ELMO1: variants seen among roughly 807,000 people sequenced by gnomAD.
ELMO1 encodes the protein engulfment and cell motility 1, also known as engulfment and cell motility protein 1.
Under a neutral mutation model 98.9 loss-of-function variants are expected in ELMO1, and 26 were observed. That is an observed-to-expected ratio of 0.26 (90% CI 0.19 to 0.36). ELMO1 has a LOEUF of 0.36. ELMO1 is among the 10% of genes least tolerant of loss of function. The probability of loss-of-function intolerance (pLI) is 1.00; values close to 1 mark genes in which losing one functional copy is unlikely to be tolerated. For synonymous variants in ELMO1, 346 were observed against 346.0 expected, an observed-to-expected ratio of 1.00 and a Z score of 0.00; for missense variants, 627 against 935.2, an observed-to-expected ratio of 0.67 and a Z score of 4.30.
At chr7:37,023,568 A>C (rs553200776) in intron 15 of ELMO1, among the ~76,000 whole-genome samples, 1 of 152,262 alleles carries the variant, frequency 6.6e-6, no homozygotes, top group South Asian at 2.1e-4. Context: ...CCTAAACTTT[A>C]GTTTAATTTC....
chr7:36,928,479 T>C (rs1352537538), intron 16 of ELMO1, among the ~76,000 whole-genome samples: 1 of 152,194 alleles, frequency 6.6e-6, no homozygotes, highest in African/African-American at 2.4e-5. Flanking sequence ...ATTTGAAAAG[T>C]GAAGTCTCTG....
intron 16 of ELMO1, among the ~76,000 whole-genome samples, chr7:36,940,446 A>G (rs1351396307): frequency 1.3e-5 from 2 of 152,224 alleles, no homozygotes; most frequent in Non-Finnish European, 2.9e-5. Context: ...GTATTTGTAT[A>G]TTCTTTAGCC....
intron 8 of ELMO1, 67 bp from the exon 9 acceptor site, chr7:37,225,097 C>G (rs953785569): frequency 1.3e-4 from 208 of 1,577,838 alleles, no homozygotes; most frequent in Non-Finnish European, 1.0e-5. Context: ...GAGAAGGGAA[C>G]AAATGAATCA....
At chr7:37,139,134 AG>A (rs1238117477) in intron 13 of ELMO1, among the ~76,000 whole-genome samples, 1 of 152,214 alleles carries the variant, frequency 6.6e-6, no homozygotes, top group Admixed American at 6.5e-5. Flanking sequence ...AATAGGCAAA[AG>A]GTGGAAGCAT....
chr7:37,320,758 AGAC>A lies in ELMO1; in HGVS notation c.79-4801_79-4799del, dbSNP rs567559964. Among the ~76,000 whole-genome samples the A allele has an allele frequency of 4.1e-3, 625 of 152,264 alleles. 4 individuals are homozygous for A. Among genetic ancestry groups the A allele is most frequent in the African/African-American group, 0.014 (599 of 41,542 alleles). ...GTAGGTGTGAATAGGATCTAATAGG[AGAC>A]TCAATACACCTCTGCTAAATGAAAA... is the stretch of plus-strand genomic sequence containing the variant. On this transcript the variant is annotated intron_variant, in intron 2 of 21. Coordinates refer to ENST00000310758, the MANE Select transcript of ELMO1 (RefSeq NM_014800.11).
At chr7:37,045,748 G>C (rs1029416105) in intron 15 of ELMO1, among the ~76,000 whole-genome samples, 7 of 152,128 alleles carry the variant, frequency 4.6e-5, no homozygotes, top group Non-Finnish European at 1.0e-4. Flanking sequence ...CCCTAAAATA[G>C]TCTAGGATTA....
intron 15 of ELMO1, 92 bp downstream of exon 15, chr7:37,096,527 C>T (rs1784370669): frequency 2.8e-6 from 3 of 1,053,900 alleles, no homozygotes; most frequent in Non-Finnish European, 2.9e-6. Flanking sequence ...AAGCTGTCGG[C>T]ATCTTGGGAT....
intron 15 of ELMO1, among the ~76,000 whole-genome samples, chr7:37,024,169 G>A (rs912290822): frequency 2.0e-5 from 3 of 151,812 alleles, no homozygotes; most frequent in African/African-American, 7.3e-5. Flanking sequence ...CTAGCAAGAC[G>A]GTCACGAGCA....
At chr7:37,233,071 C>T in intron 8 of ELMO1, 24 bp downstream of exon 8, 1 of 1,592,246 alleles carries the variant, frequency 6.3e-7, no homozygotes, top group Non-Finnish European at 8.6e-7. Context: ...TAAGGAAAGC[C>T]TAAAGAGGCA....
chr7:37,446,657 A>G (rs566798916), intron 1 of ELMO1, among the ~76,000 whole-genome samples: 46 of 152,236 alleles, frequency 3.0e-4, no homozygotes, highest in African/African-American at 1.0e-3. Flanking sequence ...TTCTTGCCCA[A>G]TGACTGCTCC....
intron 4 of ELMO1, among the ~76,000 whole-genome samples, chr7:37,293,471 G>A (rs1797860258): frequency 1.0e-5 from 1 of 97,052 alleles, no homozygotes; most frequent in South Asian, 3.8e-4. Context: ...GGGTTGAATG[G>A]ATTAAGGGCG....
chr7:36,986,303 C>G, intron 16 of ELMO1: 1 of 973,806 alleles, frequency 1.0e-6, no homozygotes, highest in Non-Finnish European at 1.2e-6. Context: ...CCAGGAAGAG[C>G]TTTTCTCTTA....
chr7:37,402,546 G>A (rs930327775), intron 1 of ELMO1, among the ~76,000 whole-genome samples: 7 of 152,128 alleles, frequency 4.6e-5, no homozygotes, highest in Non-Finnish European at 8.8e-5. Flanking sequence ...CATGAAGTAT[G>A]AGCAGAAGAC....
chr7:37,216,386 C>T (rs1388102253), intron 11 of ELMO1, among the ~76,000 whole-genome samples: 1 of 152,108 alleles, frequency 6.6e-6, no homozygotes, highest in African/African-American at 2.4e-5. Context: ...CCAACCCTTC[C>T]GGCCAGAATG....
chr7:37,329,746 C>T (rs941956649), intron 2 of ELMO1, among the ~76,000 whole-genome samples: 1 of 152,182 alleles, frequency 6.6e-6, no homozygotes, highest in African/African-American at 2.4e-5. Context: ...TACCAGAAAT[C>T]TCAGAACTAC....
At chr7:37,355,086 C>T (rs1286310717) in intron 1 of ELMO1, among the ~76,000 whole-genome samples, 1 of 152,148 alleles carries the variant, frequency 6.6e-6, no homozygotes, top group Non-Finnish European at 1.5e-5. Flanking sequence ...CCATTAGGCT[C>T]TTTCTCCCGG....
intron 15 of ELMO1, among the ~76,000 whole-genome samples, chr7:37,034,082 A>T (rs1450664763): frequency 6.6e-6 from 1 of 152,198 alleles, no homozygotes; most frequent in Non-Finnish European, 1.5e-5. Context: ...ATCAGAGGGA[A>T]AAAAATGTGT....
intron 16 of ELMO1, among the ~76,000 whole-genome samples, chr7:36,972,325 C>T (rs1445161523): frequency 6.6e-6 from 1 of 152,148 alleles, no homozygotes; most frequent in Non-Finnish European, 1.5e-5. Context: ...CAAAACACAG[C>T]TAGAAGAAAC....
intron 15 of ELMO1, among the ~76,000 whole-genome samples, chr7:37,040,585 A>G (rs929530389): frequency 2.6e-5 from 4 of 152,234 alleles, no homozygotes; most frequent in Admixed American, 6.5e-5. Context: ...GGCTTTGTTT[A>G]TAGTGGAACA....
Sources: allele counts gnomAD v4.1 joint callset (sites outside exome capture counted in the v4.1 genomes callset), GRCh38; gene constraint gnomAD v4.1.1; transcripts MANE v1.5; gene names NCBI Gene and HGNC (gene_info 2026-07-23, HGNC 2026-07-21).